The following EYA1 variants were observed in gnomAD, a reference collection of about 807,000 sequenced individuals.
EYA1 encodes the protein protein phosphatase EYA1.
A neutral mutation model predicts 82.0 loss-of-function variants in EYA1; 16 were observed. That is an observed-to-expected ratio of 0.20 (90% CI 0.13 to 0.30). The LOEUF (loss-of-function observed/expected upper bound fraction) is 0.30, where lower values mean the gene tolerates loss of function less well. Ranked by LOEUF, EYA1 falls within the 10% of genes least tolerant of loss-of-function variation. The pLI is 1.00. For missense variants in EYA1, 633 were observed against 730.7 expected (o/e 0.87, Z 1.54); for synonymous variants, 261 against 264.4 (o/e 0.99, Z 0.12).
intron 2 of EYA1, among the ~76,000 whole-genome samples, chr8:71,412,702 A>G (rs73684802): frequency 1.4e-3 from 210 of 152,342 alleles, no homozygotes; most frequent in African/African-American, 4.8e-3. Flanking sequence ...TTAAAAGAAA[A>G]AGAACTGGTG....
In EYA1 at chr8:71,455,953, G is replaced by C. The variant is rs567944169; in HGVS notation, c.33+79791C>G. On this transcript the variant is annotated intron_variant, in intron 2 of 18. Coordinates refer to the EYA1 transcript ENST00000643681. ...AATGAAGGGTATTCAATTAGGAAAA[G>C]AGGAAGTCAAATTGTCCCTGTTTGC... is the stretch of plus-strand genomic sequence containing the variant. 1.1e-3 allele frequency among the ~76,000 whole-genome samples: 170 copies of C among 152,318 alleles called. 1 individual carries two copies. The highest frequency in any genetic ancestry group is 1.7e-3 in the Non-Finnish European group (116 of 68,024).
chr8:71,354,945 C>T, intron 2 of EYA1, 36 bp from the exon 3 acceptor site: 1 of 1,606,650 alleles, frequency 6.2e-7, no homozygotes, highest in Non-Finnish European at 8.5e-7. Context: ...ACAGATGTAC[C>T]AAATTCATAA....
At chr8:71,282,056 T>C (rs1817869345) in intron 9 of EYA1, among the ~76,000 whole-genome samples, 1 of 152,188 alleles carries the variant, frequency 6.6e-6, no homozygotes, top group African/African-American at 2.4e-5. Context: ...TCCCATTCAC[T>C]GAGAAAACAG....
intron 2 of EYA1, among the ~76,000 whole-genome samples, chr8:71,433,202 A>G (rs1805755179): frequency 6.6e-6 from 1 of 152,224 alleles, no homozygotes; most frequent in Admixed American, 6.5e-5. Context: ...TTACAACTTA[A>G]CATTTTCACA....
chr8:71,300,773 G>A (rs957411107), intron 7 of EYA1, among the ~76,000 whole-genome samples: 12 of 151,910 alleles, frequency 7.9e-5, no homozygotes, highest in Admixed American at 4.6e-4. Context: ...CTGTTTAAAC[G>A]GTATTACAAT....
intron 12 of EYA1, among the ~76,000 whole-genome samples, chr8:71,218,500 G>A (rs950309089): frequency 7.2e-5 from 11 of 152,058 alleles, no homozygotes; most frequent in African/African-American, 1.7e-4. Context: ...CTCCCAGCAC[G>A]CAGCAAGTTC....
At chr8:71,495,595 G>A (rs1399973526) in intron 2 of EYA1, among the ~76,000 whole-genome samples, 1 of 152,176 alleles carries the variant, frequency 6.6e-6, no homozygotes, top group African/African-American at 2.4e-5. Flanking sequence ...CTGGGCGACA[G>A]ACCAAGACTC....
At chr8:71,525,136 A>C (rs1205629036) in intron 2 of EYA1, among the ~76,000 whole-genome samples, 2 of 152,182 alleles carry the variant, frequency 1.3e-5, no homozygotes, top group Non-Finnish European at 2.9e-5. Context: ...AGAGATTTGC[A>C]CACACTTGGG....
In EYA1 at chr8:71,216,950, T is replaced by C; in HGVS notation, c.1199+15A>G. 6.2e-7 allele frequency: 1 copy of C among 1,613,072 alleles called. No homozygotes were observed. The highest frequency in any genetic ancestry group is 8.5e-7 in the Non-Finnish European group (1 of 1,179,026). On this transcript the variant is annotated intron_variant, in intron 13 of 17. Transcript: ENST00000340726. ...ATAAAAGGGAGATGGTCACTTCACATTCAAGGGTGCTCACCTTAGGTCCTG... is the reference window on the plus strand; with the variant it reads ...ATAAAAGGGAGATGGTCACTTCACACTCAAGGGTGCTCACCTTAGGTCCTG...
chr8:71,447,689 C>T (rs1464053922), intron 2 of EYA1, among the ~76,000 whole-genome samples: 1 of 152,112 alleles, frequency 6.6e-6, no homozygotes, highest in East Asian at 1.9e-4. Context: ...TTTTTTGTTT[C>T]CCAATGCATA....
intron 2 of EYA1, among the ~76,000 whole-genome samples, chr8:71,461,642 CTT>C (rs765094955): frequency 3.0e-4 from 45 of 152,270 alleles, no homozygotes; most frequent in East Asian, 2.1e-3. Flanking sequence ...TGTTACAACT[CTT>C]TTAGCCTCAC....
chr8:71,497,672 A>G (rs1408598141), intron 2 of EYA1, among the ~76,000 whole-genome samples: 1 of 152,180 alleles, frequency 6.6e-6, no homozygotes, highest in African/African-American at 2.4e-5. Context: ...TTCCTCAAAA[A>G]ATTAAAAACA....
upstream of EYA1, among the ~76,000 whole-genome samples, chr8:71,366,846 A>G (rs1270141509): frequency 2.6e-5 from 4 of 152,180 alleles, no homozygotes; most frequent in Admixed American, 2.0e-4. Context: ...TCCTCATTGT[A>G]TCATCATTTT....
intron 4 of EYA1, among the ~76,000 whole-genome samples, chr8:71,330,122 T>C (rs530934266): frequency 6.6e-6 from 1 of 152,250 alleles, no homozygotes; most frequent in South Asian, 2.1e-4. Context: ...CTGAGGCAGA[T>C]GATGATAGGG....
At chr8:71,363,228 T>C (rs757598022), upstream of EYA1, among the ~76,000 whole-genome samples, 4 of 152,188 alleles carry the variant, frequency 2.6e-5, no homozygotes, top group Non-Finnish European at 5.9e-5. Flanking sequence ...TGCATGACTT[T>C]ATAATACATT....
At chr8:71,310,885 A>C (rs566850520) in intron 7 of EYA1, among the ~76,000 whole-genome samples, 1 of 152,250 alleles carries the variant, frequency 6.6e-6, no homozygotes, top group African/African-American at 2.4e-5. Context: ...GGAGATTAAA[A>C]TATGACTAAA....
chr8:71,211,403 G>C lies in EYA1; in HGVS notation c.1598-147C>G, dbSNP rs975483996. 7.5e-6 allele frequency: 5 copies of C among 664,036 alleles called. No individual in the cohort carries two copies. In the African/African-American group the frequency reaches 9.0e-5, roughly 12 times the overall value. The allele number at this position is 664,036 out of a possible 1,614,324, so 41.1% of individuals were successfully genotyped here. A position where few individuals can be genotyped will look rare whatever the true frequency, so the allele number is the denominator to read the frequency against. On this transcript the variant is annotated intron_variant, in intron 16 of 17. Transcript: ENST00000340726. The stretch of plus-strand genomic sequence containing the variant: ...TAAGAGGAATGCTTTTATGCCACTT[G>C]GGTTGTATGTGCCACAGCACAATAA...
At chr8:71,301,329 T>C (rs1820176876) in intron 7 of EYA1, among the ~76,000 whole-genome samples, 1 of 152,188 alleles carries the variant, frequency 6.6e-6, no homozygotes. Flanking sequence ...GCAGTGTTCC[T>C]AACAGATCAG....
chr8:71,538,320 T>C (rs1027721284), intron 1 of EYA1, among the ~76,000 whole-genome samples: 5 of 152,226 alleles, frequency 3.3e-5, no homozygotes, highest in Non-Finnish European at 7.3e-5. Flanking sequence ...AACCATGCCT[T>C]ACTCTCTGGT....
Sources: gnomAD v4.1 joint callset for allele counts (sites outside exome capture counted in the v4.1 genomes callset) on GRCh38, gnomAD v4.1.1 for gene constraint, MANE v1.5 for transcripts, NCBI Gene and HGNC (gene_info 2026-07-23, HGNC 2026-07-21) for gene names.